The following FGD4 variants were observed in gnomAD, a reference collection of about 807,000 sequenced individuals.
FGD4 encodes the protein FYVE, RhoGEF and PH domain containing 4.
Under a neutral mutation model 102.0 loss-of-function variants are expected in FGD4, and 42 were observed. That is an observed-to-expected ratio of 0.41 (90% CI 0.32 to 0.53). The LOEUF (loss-of-function observed/expected upper bound fraction) is 0.53. Ranked by LOEUF, FGD4 falls within the 20% of genes least tolerant of loss-of-function variation. FGD4 has a pLI of 0.21. For missense variants in FGD4, 902 were observed against 1,078.2 expected (o/e 0.84, Z 2.29); for synonymous variants, 380 against 375.7 (o/e 1.01, Z -0.13).
rs1951379605 is a variant in FGD4 at position 32,645,856 on chromosome 12, G to C, written c.*5323G>C. 1 of 152,198 alleles carries C rather than the reference G, an allele frequency of 6.6e-6. No individual in the cohort carries two copies. The highest frequency in any genetic ancestry group is 1.5e-5 in the Non-Finnish European group (1 of 68,044). 9.4% of individuals were successfully genotyped at this position (152,198 alleles called of 1,614,324 possible). A position where few individuals can be genotyped will look rare whatever the true frequency, so the allele number is the denominator to read the frequency against. The stretch of plus-strand genomic sequence containing the variant: ...TTGGAATTTTACAGTTGACTCAAGT[G>C]TGAAAGTATACACAAGTAATTTTTC... On this transcript the variant is annotated 3_prime_UTR_variant, in exon 17 of 17. Coordinates refer to ENST00000534526, the MANE Select transcript of FGD4 (RefSeq NM_001370298.3).
intron 1 of FGD4, among the ~76,000 whole-genome samples, chr12:32,421,118 A>G (rs1343248625): frequency 6.6e-6 from 1 of 152,188 alleles, no homozygotes; most frequent in African/African-American, 2.4e-5. Context: ...TGCAGTGATC[A>G]TGAGTTTCTT....
chr12:32,527,294 G>T (rs1941346167), intron 1 of FGD4, among the ~76,000 whole-genome samples: 1 of 152,164 alleles, frequency 6.6e-6, no homozygotes, highest in African/African-American at 2.4e-5. Context: ...CACGTCGAAG[G>T]GTGTCTATCA....
At chr12:32,559,652 G>T (rs1402120242) in intron 1 of FGD4, among the ~76,000 whole-genome samples, 1 of 152,160 alleles carries the variant, frequency 6.6e-6, no homozygotes, top group Admixed American at 6.5e-5. Flanking sequence ...ACGCATTTTG[G>T]CACATTCGTG....
chr12:32,573,182 G>T (rs1945821134), intron 2 of FGD4, among the ~76,000 whole-genome samples: 1 of 152,052 alleles, frequency 6.6e-6, no homozygotes, highest in African/African-American at 2.4e-5. Context: ...TGGAAGCTCC[G>T]CCTCCCGGGT....
intron 1 of FGD4, among the ~76,000 whole-genome samples, chr12:32,496,452 CAA>C (rs1937824389): frequency 6.6e-6 from 1 of 152,126 alleles, no homozygotes; most frequent in African/African-American, 2.4e-5. Flanking sequence ...CCCCCTACAA[CAA>C]GAGTTAAAAG....
At chr12:32,597,282 G>A (rs926758627) in intron 4 of FGD4, among the ~76,000 whole-genome samples, 4 of 152,172 alleles carry the variant, frequency 2.6e-5, no homozygotes, top group Admixed American at 2.0e-4. Context: ...GAGAAGAGAT[G>A]AGCGAAACAG....
chr12:32,548,253 A>G (rs1331656296), intron 1 of FGD4, among the ~76,000 whole-genome samples: 1 of 152,178 alleles, frequency 6.6e-6, no homozygotes, highest in Non-Finnish European at 1.5e-5. Context: ...GTTGGATTAT[A>G]GATCTTCAAT....
chr12:32,563,722 A>T (rs1459573289), intron 1 of FGD4, among the ~76,000 whole-genome samples: 1 of 152,174 alleles, frequency 6.6e-6, no homozygotes, highest in South Asian at 2.1e-4. Context: ...TTGAGCACTG[A>T]GTGAACCAGA....
At chr12:32,413,900 C>G (rs913368637) in intron 1 of FGD4, among the ~76,000 whole-genome samples, 4 of 151,742 alleles carry the variant, frequency 2.6e-5, no homozygotes, top group Non-Finnish European at 4.4e-5. Context: ...CAGAGAACAG[C>G]CTCATCTTGT....
rs60125522 is a variant in FGD4 at position 32,459,189 on chromosome 12, C to CTTT, written c.166+59248_166+59250dup. On this transcript the variant is annotated intron_variant, in intron 1 of 16. Transcript: ENST00000534526. ...TGTTTATTTGGGATGTTTGACACTG[C>CTTT]TTTTTTTTTTTTTTTTTTTTGAGAC... Among the ~76,000 whole-genome samples, 76 of 114,412 alleles carry CTTT rather than the reference C, an allele frequency of 6.6e-4. 2 individuals carry two copies. Among genetic ancestry groups the CTTT allele is most frequent in the East Asian group, 1.3e-3 (5 of 3,884 alleles). 75.1% of individuals were successfully genotyped at this position (114,412 alleles called of 152,430 possible). A position where few individuals can be genotyped will look rare whatever the true frequency, so the allele number is the denominator to read the frequency against.
At chr12:32,531,322 C>T (rs1592131244) in intron 1 of FGD4, among the ~76,000 whole-genome samples, 1 of 152,062 alleles carries the variant, frequency 6.6e-6, no homozygotes, top group East Asian at 1.9e-4. Flanking sequence ...AGATAATTTA[C>T]ATACATTAAA....
chr12:32,619,549 G>A (rs779775539), intron 10 of FGD4, 149 bp from the exon 11 acceptor site: 17 of 813,846 alleles, frequency 2.1e-5, no homozygotes, highest in Admixed American at 7.0e-5. Context: ...GGAGAATGGC[G>A]TGAACCCGGG....
At chr12:32,593,827 C>T (rs890554114) in intron 4 of FGD4, among the ~76,000 whole-genome samples, 2 of 152,174 alleles carry the variant, frequency 1.3e-5, no homozygotes, top group African/African-American at 4.8e-5. Context: ...CAAAACGATA[C>T]ATCAGCACTA....
At chr12:32,404,710 T>G (rs1011319926) in intron 1 of FGD4, among the ~76,000 whole-genome samples, 10 of 152,118 alleles carry the variant, frequency 6.6e-5, no homozygotes, top group African/African-American at 2.4e-4. Flanking sequence ...ATTTGTAACA[T>G]TAAAAAATCT....
chr12:32,609,356 C>G (rs953524390), intron 8 of FGD4, among the ~76,000 whole-genome samples: 1 of 152,122 alleles, frequency 6.6e-6, no homozygotes, highest in Non-Finnish European at 1.5e-5. Flanking sequence ...TCCATCTCAC[C>G]TGACTGCTTG....
chr12:32,480,714 T>G (rs1347746331), intron 1 of FGD4, among the ~76,000 whole-genome samples: 1 of 151,656 alleles, frequency 6.6e-6, no homozygotes, highest in Non-Finnish European at 1.5e-5. Flanking sequence ...TTGGCCAGGA[T>G]GCTCTTGCTC....
chr12:32,533,099 C>G (rs759955909), intron 1 of FGD4, among the ~76,000 whole-genome samples: 1 of 152,132 alleles, frequency 6.6e-6, no homozygotes, highest in Non-Finnish European at 1.5e-5. Context: ...CCTCCCTAAC[C>G]CAGCAATTCA....
chr12:32,532,335 G>A (rs542408395), intron 1 of FGD4, among the ~76,000 whole-genome samples: 67 of 152,184 alleles, frequency 4.4e-4, no homozygotes, highest in African/African-American at 1.6e-3. Flanking sequence ...TTAATTTGTT[G>A]TACAACAGTG....
At chr12:32,442,610 C>T (rs2136458224) in intron 1 of FGD4, among the ~76,000 whole-genome samples, 1 of 134,644 alleles carries the variant, frequency 7.4e-6, no homozygotes, top group Admixed American at 8.3e-5. Flanking sequence ...GTCTCCAAGG[C>T]TGGGGCGCAG....
Sources: gnomAD v4.1 joint callset for allele counts (sites outside exome capture counted in the v4.1 genomes callset) on GRCh38, gnomAD v4.1.1 for gene constraint, MANE v1.5 for transcripts, NCBI Gene and HGNC (gene_info 2026-07-23, HGNC 2026-07-21) for gene names.